Variants in ST3GAL2 observed in about 807,000 individuals in gnomAD.
The protein encoded by ST3GAL2 is ST3 beta-galactoside alpha-2,3-sialyltransferase 2.
ST3GAL2 carries 16 observed loss-of-function variants against 37.5 expected under a neutral mutation model. The observed-to-expected ratio is 0.43, with a 90% CI of 0.29 to 0.65. The LOEUF (loss-of-function observed/expected upper bound fraction) is 0.65. Ranked by LOEUF, ST3GAL2 falls within the 30% of genes least tolerant of loss-of-function variation. The pLI, the probability that ST3GAL2 is intolerant of heterozygous loss-of-function variation, is 0.17. For missense variants in ST3GAL2, 383 were observed against 487.8 expected, an observed-to-expected ratio of 0.79 and a Z score of 2.02; for synonymous variants, 238 against 202.9, an observed-to-expected ratio of 1.17 and a Z score of -1.47.
At chr16:70,418,656 G>C in intron 1 of ST3GAL2, among the ~76,000 whole-genome samples, 1 of 152,194 alleles carries the variant, frequency 6.6e-6, no homozygotes, top group South Asian at 2.1e-4. Context: ...CACAGAACAC[G>C]GGTCAGTCCA....
intron 1 of ST3GAL2, among the ~76,000 whole-genome samples, chr16:70,429,457 G>A (rs894938373): frequency 2.6e-5 from 4 of 151,810 alleles, no homozygotes; most frequent in African/African-American, 9.7e-5. Flanking sequence ...GCCGGGCGTA[G>A]TGGCAGATGC....
chr16:70,407,564 G>A (rs1164662715), intron 1 of ST3GAL2, among the ~76,000 whole-genome samples: 1 of 152,168 alleles, frequency 6.6e-6, no homozygotes, highest in Non-Finnish European at 1.5e-5. Context: ...GGAACTGGCA[G>A]CCAGGATCCA....
intron 3 of ST3GAL2, 134 bp from the exon 4 acceptor site, chr16:70,388,680 A>T (rs1293876147): frequency 2.1e-6 from 2 of 943,870 alleles, no homozygotes; most frequent in Non-Finnish European, 1.5e-6. Context: ...CATTGCTAGA[A>T]ATCTGCCCTA....
At chr16:70,430,069 G>A (rs1489313406) in intron 1 of ST3GAL2, among the ~76,000 whole-genome samples, 3 of 152,220 alleles carry the variant, frequency 2.0e-5, no homozygotes, top group Admixed American at 6.5e-5. Context: ...TTTCCCTTGA[G>A]GACAGCCAAA....
Position 70,381,478 on chromosome 16 carries a change from G to C in ST3GAL2, c.*211C>G, listed in dbSNP as rs1324669474. 3.1e-5 allele frequency: 19 copies of C among 618,000 alleles called. No individual in the cohort carries two copies. The highest frequency in any genetic ancestry group is 5.6e-6 in the Non-Finnish European group (2 of 360,334). 38.3% of individuals were successfully genotyped at this position (618,000 alleles called of 1,614,324 possible). On this transcript the variant is annotated 3_prime_UTR_variant, in exon 7 of 7. Transcript: ENST00000342907. The stretch of plus-strand genomic sequence containing the variant: ...ACACAGCGCCGGAAGTTTTCCTTGA[G>C]TCACATGATTGGCTGGGAGAAACAG...
At chr16:70,386,280 C>T (rs895945144) in intron 4 of ST3GAL2, among the ~76,000 whole-genome samples, 1 of 151,904 alleles carries the variant, frequency 6.6e-6, no homozygotes, top group Non-Finnish European at 1.5e-5. Context: ...CTCCGCCTCC[C>T]GGGTTCACGC....
At chr16:70,398,139 G>T in intron 2 of ST3GAL2, 53 bp downstream of exon 2, 1 of 1,571,358 alleles carries the variant, frequency 6.4e-7, no homozygotes, top group South Asian at 1.2e-5. Context: ...AGGGGGCTCT[G>T]AGTGGCTCTA....
In ST3GAL2 at chr16:70,377,169, C is replaced by G. The variant is rs909712504; in HGVS notation, c.*4520G>C. ...TGCACCAGTCTGGGCGACAGGAGAC[C>G]CTGTCTCTTAAAAAAAAAAAAAAAA... is the stretch of plus-strand genomic sequence containing the variant. On this transcript the variant is annotated 3_prime_UTR_variant, in exon 7 of 7. Transcript: ENST00000342907. 2.9e-5 allele frequency: 4 copies of G among 140,240 alleles called. No individual in the cohort carries two copies. Among genetic ancestry groups the G allele is most frequent in the Admixed American group, 2.8e-4 (4 of 14,198 alleles). The allele number at this position is 140,240 out of a possible 1,614,324, so 8.7% of individuals were successfully genotyped here. A position where few individuals can be genotyped will look rare whatever the true frequency, so the allele number is the denominator to read the frequency against.
At chr16:70,390,541 C>G (rs1430401299) in intron 3 of ST3GAL2, among the ~76,000 whole-genome samples, 1 of 152,196 alleles carries the variant, frequency 6.6e-6, no homozygotes, top group East Asian at 1.9e-4. Flanking sequence ...CACCCACTAC[C>G]ACCCTATTCC....
chr16:70,437,678 C>A (rs2047835132), intron 1 of ST3GAL2, among the ~76,000 whole-genome samples: 1 of 152,196 alleles, frequency 6.6e-6, no homozygotes, highest in South Asian at 2.1e-4. Flanking sequence ...GGGCAGCCAG[C>A]AGGCATCCCT....
intron 1 of ST3GAL2, among the ~76,000 whole-genome samples, chr16:70,413,513 C>T (rs1233253602): frequency 7.3e-6 from 1 of 137,394 alleles, no homozygotes; most frequent in Admixed American, 8.2e-5. Flanking sequence ...GTCAGGAGTT[C>T]GAGACCAGCC....
intron 1 of ST3GAL2, among the ~76,000 whole-genome samples, chr16:70,435,969 T>C (rs1597580075): frequency 6.8e-6 from 1 of 147,328 alleles, no homozygotes; most frequent in Admixed American, 6.8e-5. Flanking sequence ...CTACTACAAA[T>C]ACAAAAATCA....
intron 2 of ST3GAL2, among the ~76,000 whole-genome samples, chr16:70,397,249 G>T (rs1443311262): frequency 6.6e-6 from 1 of 150,798 alleles, no homozygotes; most frequent in African/African-American, 2.4e-5. Flanking sequence ...CACCACGTTG[G>T]TCAGGCTGGT....
At chr16:70,423,942 C>G (rs1413440653) in intron 1 of ST3GAL2, among the ~76,000 whole-genome samples, 1 of 151,896 alleles carries the variant, frequency 6.6e-6, no homozygotes, top group African/African-American at 2.4e-5. Flanking sequence ...CCTGTAGTCC[C>G]AGCTACTCAG....
chr16:70,401,507 A>G (rs1231073049), intron 1 of ST3GAL2, among the ~76,000 whole-genome samples: 2 of 151,996 alleles, frequency 1.3e-5, no homozygotes, highest in Admixed American at 1.3e-4. Flanking sequence ...GGGCAAATGG[A>G]GCCATGGGGA....
chr16:70,419,181 G>C (rs949750617), intron 1 of ST3GAL2, among the ~76,000 whole-genome samples: 6 of 152,206 alleles, frequency 3.9e-5, no homozygotes, highest in Admixed American at 2.6e-4. Flanking sequence ...ACCCCAGCAG[G>C]GGCTGATGGC....
chr16:70,381,834 C>A lies in ST3GAL2; in HGVS notation c.908G>T (p.Ser303Ile), dbSNP rs1235664045. 1 of 1,614,006 alleles carries A rather than the reference C, an allele frequency of 6.2e-7. No individual in the cohort carries two copies. The highest frequency in any genetic ancestry group is 1.3e-5 in the African/African-American group (1 of 75,056). The part of the protein sequence containing the change: ...EVNVYGFGAD[S>I]RGNWHHYWEN... Reference sequence around the variant, plus strand: ...CCAGTAGTGGTGCCAGTTGCCCCGGCTGTCGGCCCCGAACCCGTACACGTT... The same window carrying A: ...CCAGTAGTGGTGCCAGTTGCCCCGGATGTCGGCCCCGAACCCGTACACGTT... Residue 303 changes from serine (S) to isoleucine (I), a missense_variant, in exon 7 of 7, where the codon AGC becomes ATC. Physicochemically the swap from Ser to Ile is moderately radical, Grantham distance 142 (BLOSUM62 -2). Transcript: ENST00000342907.
Position 70,415,991 on chromosome 16 carries a change from G to T in ST3GAL2, c.-1003-16458C>A, listed in dbSNP as rs185983394. Among the ~76,000 whole-genome samples the T allele has an allele frequency of 2.7e-5, 4 of 150,828 alleles. No individual in the cohort carries two copies. In the East Asian group the frequency reaches 7.8e-4, roughly 29 times the overall value. On this transcript the variant is annotated intron_variant, in intron 1 of 6. Coordinates refer to ENST00000342907, the MANE Select transcript of ST3GAL2 (RefSeq NM_006927.4). ...GGGTTTCACCATGTTGCCTAGGCTGGTCTTCAATTCCTGACTTCAAGTGAT... is the reference window on the plus strand; with the variant it reads ...GGGTTTCACCATGTTGCCTAGGCTGTTCTTCAATTCCTGACTTCAAGTGAT...
chr16:70,385,938 C>T (rs1038686411), intron 4 of ST3GAL2, among the ~76,000 whole-genome samples: 8 of 151,970 alleles, frequency 5.3e-5, no homozygotes, highest in African/African-American at 1.9e-4. Context: ...AACTCTTGGA[C>T]TCAAACAATC....
Sources: allele counts gnomAD v4.1 joint callset (sites outside exome capture counted in the v4.1 genomes callset), GRCh38; gene constraint gnomAD v4.1.1; transcripts MANE v1.5; gene names NCBI Gene and HGNC (gene_info 2026-07-23, HGNC 2026-07-21).